The following CDH13 variants were observed in gnomAD, a reference collection of about 807,000 sequenced individuals.
CDH13 encodes the protein cadherin-13.
A neutral mutation model predicts 63.8 loss-of-function variants in CDH13; 24 were observed. The ratio of observed to expected loss-of-function variants is 0.38; its 90% CI spans 0.27 to 0.53. The LOEUF (loss-of-function observed/expected upper bound fraction) is 0.53, where lower values mean the gene tolerates loss of function less well. Among genes scored for constraint, CDH13 ranks in the 20% least tolerant of loss-of-function variants. The probability of loss-of-function intolerance (pLI) is 0.85; values close to 1 mark genes in which losing one functional copy is unlikely to be tolerated. For missense variants in CDH13, 1,049 were observed against 903.1 expected (o/e 1.16, Z -2.07); for synonymous variants, 503 against 355.3 (o/e 1.42, Z -4.67).
chr16:82,879,601 T>TA (rs2151201599), intron 2 of CDH13, among the ~76,000 whole-genome samples: 1 of 141,644 alleles, frequency 7.1e-6, no homozygotes, highest in South Asian at 2.1e-4. Flanking sequence ...TATTTATATG[T>TA]AATTGTATAT....
At chr16:83,786,217 G>T (rs1257588066) in intron 13 of CDH13, among the ~76,000 whole-genome samples, 2 of 152,200 alleles carry the variant, frequency 1.3e-5, no homozygotes, top group Middle Eastern at 3.2e-3. Context: ...CAACTAGGAA[G>T]AGTTGGGGAT....
intron 7 of CDH13, among the ~76,000 whole-genome samples, chr16:83,516,077 C>G (rs1456016064): frequency 6.6e-6 from 1 of 152,156 alleles, no homozygotes; most frequent in Non-Finnish European, 1.5e-5. Flanking sequence ...AAGTTTCCGT[C>G]TAAGAGCATG....
chr16:83,215,984 A>ACC (rs879666023), intron 4 of CDH13, among the ~76,000 whole-genome samples: 5 of 141,622 alleles, frequency 3.5e-5, no homozygotes, highest in African/African-American at 1.3e-4. Flanking sequence ...ACATAAAAAG[A>ACC]CCACCCCCCA....
At chr16:82,744,791 C>G (rs771394673) in intron 1 of CDH13, among the ~76,000 whole-genome samples, 2 of 152,168 alleles carry the variant, frequency 1.3e-5, no homozygotes, top group African/African-American at 2.4e-5. Flanking sequence ...GTTTCTTGTG[C>G]TACATATGAG....
intron 11 of CDH13, among the ~76,000 whole-genome samples, chr16:83,752,981 T>TGA (rs1344065561): frequency 6.6e-6 from 1 of 152,188 alleles, no homozygotes; most frequent in Non-Finnish European, 1.5e-5. Flanking sequence ...ACACGGAAAT[T>TGA]TAAAATCTGG....
chr16:83,062,915 G>A (rs8046389), intron 3 of CDH13, among the ~76,000 whole-genome samples: 42,537 of 150,468 alleles, frequency 0.28, 8,017 homozygotes, highest in African/African-American at 0.54. Flanking sequence ...TCTATGTGCT[G>A]TTTTGTCTCC....
At chr16:83,648,294 A>T (rs564900888) in intron 8 of CDH13, among the ~76,000 whole-genome samples, 2 of 152,178 alleles carry the variant, frequency 1.3e-5, no homozygotes, top group South Asian at 4.2e-4. Flanking sequence ...AGGCAGAACA[A>T]CTCCCAGGAG....
At chr16:83,363,585 A>C (rs2091204167) in intron 6 of CDH13, among the ~76,000 whole-genome samples, 1 of 152,216 alleles carries the variant, frequency 6.6e-6, no homozygotes, top group Admixed American at 6.5e-5. Flanking sequence ...GTTAAATAAG[A>C]GAAGGAATCA....
chr16:83,645,874 C>T (rs945502847), intron 8 of CDH13, among the ~76,000 whole-genome samples: 4 of 152,288 alleles, frequency 2.6e-5, no homozygotes, highest in Middle Eastern at 6.8e-3. Context: ...CTTCATCATA[C>T]ACAAGAAAAA....
chr16:83,379,703 C>T (rs532284115), intron 6 of CDH13, among the ~76,000 whole-genome samples: 4 of 152,204 alleles, frequency 2.6e-5, no homozygotes, highest in Admixed American at 6.5e-5. Context: ...CACAAGGAGA[C>T]ACACAGTTGT....
intron 7 of CDH13, among the ~76,000 whole-genome samples, chr16:83,589,153 C>T (rs990732381): frequency 6.6e-6 from 1 of 152,138 alleles, no homozygotes; most frequent in Non-Finnish European, 1.5e-5. Flanking sequence ...CTAAAGGCCC[C>T]TGGAATTCCT....
At chr16:83,562,350 A>C (rs1285688580) in intron 7 of CDH13, among the ~76,000 whole-genome samples, 1 of 152,220 alleles carries the variant, frequency 6.6e-6, no homozygotes, top group Non-Finnish European at 1.5e-5. Flanking sequence ...AAAAATTGCA[A>C]AGTATATAGC....
intron 4 of CDH13, among the ~76,000 whole-genome samples, chr16:83,193,375 C>A (rs1964895492): frequency 6.6e-6 from 1 of 152,186 alleles, no homozygotes; most frequent in Non-Finnish European, 1.5e-5. Flanking sequence ...TGAGCAAGAA[C>A]TTGAATCGCA....
intron 10 of CDH13, among the ~76,000 whole-genome samples, chr16:83,695,893 CTTT>C (rs199731349): frequency 7.0e-6 from 1 of 143,194 alleles, no homozygotes. Flanking sequence ...TGCCAAAGAA[CTTT>C]TTTTTTTTTT....
chr16:83,403,663 C>G (rs1220014489), intron 6 of CDH13, among the ~76,000 whole-genome samples: 2 of 151,956 alleles, frequency 1.3e-5, no homozygotes, highest in African/African-American at 4.8e-5. Context: ...AATGTAGAAA[C>G]CTTTGGGGGA....
chr16:83,431,618 G>A (rs1215327786), intron 6 of CDH13, among the ~76,000 whole-genome samples: 4 of 152,138 alleles, frequency 2.6e-5, no homozygotes, highest in East Asian at 1.9e-4. Context: ...GCCTCAGGAA[G>A]CTTCCAATCA....
intron 1 of CDH13, among the ~76,000 whole-genome samples, chr16:82,838,223 A>G (rs1055915340): frequency 1.3e-5 from 2 of 152,088 alleles, no homozygotes; most frequent in South Asian, 2.1e-4. Flanking sequence ...TAATGGAAGT[A>G]TCATTCTAAA....
At chr16:83,594,441 CCTT>C (rs113889597) in intron 7 of CDH13, among the ~76,000 whole-genome samples, 24,037 of 152,136 alleles carry the variant, frequency 0.16, 2,131 homozygotes, top group Middle Eastern at 0.29. Flanking sequence ...TTGATTGACT[CCTT>C]CTTAAATGTC....
intron 1 of CDH13, among the ~76,000 whole-genome samples, chr16:82,707,614 G>C (rs1189183443): frequency 6.6e-6 from 1 of 152,182 alleles, no homozygotes; most frequent in Non-Finnish European, 1.5e-5. Flanking sequence ...AGGGTGTGTG[G>C]ATTCTGATGA....
Sources: allele counts gnomAD v4.1 joint callset (sites outside exome capture counted in the v4.1 genomes callset), GRCh38; gene constraint gnomAD v4.1.1; transcripts MANE v1.5; gene names NCBI Gene and HGNC (gene_info 2026-07-23, HGNC 2026-07-21).